Variants in ECT2 observed in about 807,000 individuals in gnomAD.
The protein encoded by ECT2 is protein ECT2.
A neutral mutation model predicts 116.9 loss-of-function variants in ECT2; 61 were observed. The ratio of observed to expected loss-of-function variants is 0.52; its 90% CI spans 0.42 to 0.65. The LOEUF (loss-of-function observed/expected upper bound fraction) is 0.65, where lower values mean the gene tolerates loss of function less well. Ranked by LOEUF, ECT2 falls within the 30% of genes least tolerant of loss-of-function variation. The probability of loss-of-function intolerance (pLI) is 0.00; values close to 1 mark genes in which losing one functional copy is unlikely to be tolerated. For synonymous variants in ECT2, 358 were observed against 346.4 expected (o/e 1.03, Z -0.37); for missense variants, 937 against 1,078.7 (o/e 0.87, Z 1.84).
At chr3:172,809,243 TAA>T (rs1728306782) in intron 22 of ECT2, among the ~76,000 whole-genome samples, 1 of 151,976 alleles carries the variant, frequency 6.6e-6, no homozygotes, top group Non-Finnish European at 1.5e-5. Context: ...AATGAAACAT[TAA>T]CAGAAAATTT....
chr3:172,788,997 G>T (rs1466603324), intron 18 of ECT2, among the ~76,000 whole-genome samples: 4 of 148,290 alleles, frequency 2.7e-5, no homozygotes, highest in African/African-American at 9.9e-5. Context: ...TGTGGAGGTT[G>T]CAGTGAGCTG....
chr3:172,818,564 C>T (rs1445836667), intron 24 of ECT2: 3 of 1,280,488 alleles, frequency 2.3e-6, no homozygotes, highest in Non-Finnish European at 3.0e-6. Context: ...CATTCTGTTT[C>T]CACAAGCAAT....
chr3:172,773,262 AT>A (rs1576900687), intron 13 of ECT2, among the ~76,000 whole-genome samples: 1 of 151,850 alleles, frequency 6.6e-6, no homozygotes, highest in Admixed American at 6.6e-5. Flanking sequence ...TAAGTATTTT[AT>A]TTTTTTATTG....
At chr3:172,800,112 G>T (rs569126619) in intron 18 of ECT2, among the ~76,000 whole-genome samples, 56 of 152,292 alleles carry the variant, frequency 3.7e-4, no homozygotes, top group African/African-American at 1.2e-3. Flanking sequence ...GTCAGAGAAA[G>T]ATCTTGATCA....
intron 14 of ECT2, among the ~76,000 whole-genome samples, chr3:172,780,140 A>G (rs62281231): frequency 0.1 from 15,646 of 152,128 alleles, 1,045 homozygotes; most frequent in Non-Finnish European, 0.15. Flanking sequence ...CATTGATACT[A>G]TGTATATATA....
At chr3:172,764,952 A>G (rs921254545) in intron 12 of ECT2, among the ~76,000 whole-genome samples, 6 of 151,826 alleles carry the variant, frequency 4.0e-5, no homozygotes, top group Admixed American at 1.3e-4. Flanking sequence ...TTCCTTGGTT[A>G]TCAGTATTTC....
At chr3:172,794,839 C>T (rs950259283) in intron 18 of ECT2, among the ~76,000 whole-genome samples, 3 of 152,022 alleles carry the variant, frequency 2.0e-5, no homozygotes, top group South Asian at 2.1e-4. Flanking sequence ...GTCAGCCTCC[C>T]GAGTAGCTGG....
chr3:172,822,339 A>T (rs1326443565), downstream of ECT2, among the ~76,000 whole-genome samples: 1 of 151,994 alleles, frequency 6.6e-6, no homozygotes, highest in South Asian at 2.1e-4. Flanking sequence ...TCTAACAGAA[A>T]CATCAAGCAT....
At chr3:172,754,414 T>C in intron 1 of ECT2, 95 bp from the exon 2 acceptor site, 1 of 908,940 alleles carries the variant, frequency 1.1e-6, no homozygotes, top group Non-Finnish European at 1.6e-6. Context: ...TGGGTAATAA[T>C]ACTTTTTATA....
At chr3:172,793,438 C>T (rs975402902) in intron 18 of ECT2, among the ~76,000 whole-genome samples, 1 of 151,906 alleles carries the variant, frequency 6.6e-6, no homozygotes, top group Non-Finnish European at 1.5e-5. Flanking sequence ...CAGGCGTGAG[C>T]CCCCGCGCCC....
rs1488858455 is a variant in ECT2, at chr3:172,773,956, A to G, written c.1482A>G (p.Ala494=). Residue 494 remains alanine (A), a synonymous_variant, in exon 14 of 25, where the codon GCA becomes GCG. Transcript: ENST00000392692. ...GACAACGTGGTGGACCTATCCTTGC[A>G]CCAGAGGAGATTAAGACTATTTTTG... ...EEGQRGGPIL[A]PEEIKTIFGS... is the part of the protein sequence containing the mutation. The G allele has an allele frequency of 6.2e-7, 1 of 1,613,204 alleles. No individual in the cohort carries two copies. The highest frequency in any genetic ancestry group is 1.7e-5 in the Admixed American group (1 of 60,024).
intron 17 of ECT2, among the ~76,000 whole-genome samples, chr3:172,785,272 T>C (rs1723415764): frequency 6.6e-6 from 1 of 152,312 alleles, no homozygotes; most frequent in African/African-American, 2.4e-5. Context: ...AACTGAACTA[T>C]AGGTATCAAT....
chr3:172,759,661 G>A (rs1157637050), intron 6 of ECT2, among the ~76,000 whole-genome samples: 2 of 151,958 alleles, frequency 1.3e-5, no homozygotes, highest in Non-Finnish European at 1.5e-5. Flanking sequence ...AGCCAGGATG[G>A]TCTTGATCTC....
chr3:172,783,906 C>A lies in ECT2; in HGVS notation c.1725C>A (p.Leu575=). ...EKQKPRFHAF[L]KINQAKPECG... The stretch of plus-strand genomic sequence containing the variant: ...AGAAACCAAGATTTCATGCTTTTCT[C>A]AAGGTAATGTGTGTTTCTTTCAAAT... The change falls in exon 16 of 25, where the codon CTC becomes CTA. Residue 575 remains leucine (L), a synonymous_variant. Transcript: ENST00000392692. The A allele has an allele frequency of 6.4e-7, 1 of 1,555,738 alleles. No individual in the cohort carries two copies. Among genetic ancestry groups the A allele is most frequent in the South Asian group, 1.2e-5 (1 of 86,022 alleles).
chr3:172,776,198 CTTTTTTTTTTTTT>C (rs60558773), intron 14 of ECT2, among the ~76,000 whole-genome samples: 1 of 111,600 alleles, frequency 9.0e-6, no homozygotes, highest in African/African-American at 3.5e-5. Flanking sequence ...TCAGTTTTTT[CTTTTTTTTTTTTT>C]TTTTTTTTTT....
intron 24 of ECT2, chr3:172,818,815 G>GT (rs1397730553): frequency 8.3e-7 from 1 of 1,200,398 alleles, no homozygotes; most frequent in African/African-American, 1.6e-5. Context: ...GAAGTTTAAT[G>GT]TGAGCTTATT....
downstream of ECT2, among the ~76,000 whole-genome samples, chr3:172,825,803 C>G (rs993084099): frequency 1.3e-5 from 2 of 152,214 alleles, no homozygotes; most frequent in South Asian, 2.1e-4. Context: ...TCTAGAAGAG[C>G]TGGCTAAGAT....
chr3:172,822,804 T>C (rs1411970398), downstream of ECT2, among the ~76,000 whole-genome samples: 1 of 151,920 alleles, frequency 6.6e-6, no homozygotes, highest in Non-Finnish European at 1.5e-5. Context: ...AGTGACCTAA[T>C]AGATAAATTT....
intron 18 of ECT2, among the ~76,000 whole-genome samples, chr3:172,794,548 T>C (rs1324345940): frequency 6.6e-6 from 1 of 152,190 alleles, no homozygotes; most frequent in Admixed American, 6.5e-5. Context: ...CTTTGTTCTT[T>C]TTCAAAATTG....
Sources: allele counts gnomAD v4.1 joint callset (sites outside exome capture counted in the v4.1 genomes callset), GRCh38; gene constraint gnomAD v4.1.1; transcripts MANE v1.5; gene names NCBI Gene and HGNC (gene_info 2026-07-23, HGNC 2026-07-21).